Variants in SLC37A3 observed in about 807,000 individuals in gnomAD.
SLC37A3 encodes sugar phosphate exchanger 3.
A neutral mutation model predicts 67.1 loss-of-function variants in SLC37A3; 51 were observed. That is an observed-to-expected ratio of 0.76 (90% CI 0.61 to 0.96). The LOEUF (loss-of-function observed/expected upper bound fraction) is 0.96, where lower values mean the gene tolerates loss of function less well. SLC37A3 is among the 40% of genes least tolerant of loss of function. SLC37A3 has a pLI of 0.00. For missense variants in SLC37A3, 508 were observed against 603.0 expected (o/e 0.84, Z 1.65); for synonymous variants, 214 against 231.4 (o/e 0.92, Z 0.68).
At chr7:140,370,492 A>G (rs555592814) in intron 3 of SLC37A3, 2 of 152,320 alleles carry the variant, frequency 1.3e-5, no homozygotes, top group South Asian at 4.1e-4. Context: ...TGGAAAGTTA[A>G]GTGGGGTCAG....
rs369231255 is a variant in SLC37A3 at position 140,358,033 on chromosome 7, C to A, written c.521+607G>T. Among the ~76,000 whole-genome samples the A allele has an allele frequency of 2.6e-3, 395 of 151,980 alleles. 14 individuals carry two copies. The South Asian group carries it at 0.049, about 19-fold the overall frequency. On this transcript the variant is annotated intron_variant, in intron 6 of 14. Coordinates refer to ENST00000326232, the MANE Select transcript of SLC37A3 (RefSeq NM_207113.3). ...GAAGGTTGCAGTGAGCCGAGATCAC[C>A]CCACTGCACTCCAGCCTGGTGACAG...
At chr7:140,341,595 A>T (rs1323438550) in intron 13 of SLC37A3, among the ~76,000 whole-genome samples, 1 of 152,172 alleles carries the variant, frequency 6.6e-6, no homozygotes, top group Non-Finnish European at 1.5e-5. Context: ...GGCAATGGGA[A>T]ATCATTCAAA....
At chr7:140,367,833 T>C (rs1797663412) in intron 4 of SLC37A3, among the ~76,000 whole-genome samples, 2 of 151,522 alleles carry the variant, frequency 1.3e-5, no homozygotes, top group Non-Finnish European at 2.9e-5. Context: ...TTTTTTTTTT[T>C]TTTTGAGATG....
intron 3 of SLC37A3, among the ~76,000 whole-genome samples, chr7:140,375,757 G>T (rs772631583): frequency 1.3e-4 from 20 of 152,184 alleles, no homozygotes; most frequent in Non-Finnish European, 2.8e-4. Context: ...TAATTTCTAA[G>T]TGGCCTCTGG....
At chr7:140,373,637 G>T (rs1011012316) in intron 3 of SLC37A3, among the ~76,000 whole-genome samples, 1 of 151,606 alleles carries the variant, frequency 6.6e-6, no homozygotes, top group East Asian at 1.9e-4. Flanking sequence ...ACCTGTGAAA[G>T]GCCAAATTTT....
At chr7:140,388,199 G>A (rs894071668) in intron 1 of SLC37A3, among the ~76,000 whole-genome samples, 1 of 151,700 alleles carries the variant, frequency 6.6e-6, no homozygotes, top group African/African-American at 2.4e-5. Flanking sequence ...TTGGGAGGTC[G>A]AGGTGGGAGG....
rs1418152018 is a variant in SLC37A3, at chr7:140,352,136, A to C, written c.629T>G (p.Leu210Arg). Reference sequence around the variant, plus strand: ...AGCAAACTGCACAGACGCCGTCACCAGAAAGGCATACTGGAGGAGAGGGGT... The same window carrying C: ...AGCAAACTGCACAGACGCCGTCACCCGAAAGGCATACTGGAGGAGAGGGGT... ...VLQYGYEYAF[L>R]VTASVQFAGG... is the part of the protein sequence containing the mutation. Residue 210 changes from leucine to arginine, a missense_variant, in exon 8 of 15, where the codon CTG becomes CGG. Leu to Arg is a moderately radical substitution (Grantham distance 102). Coordinates refer to ENST00000326232, the MANE Select transcript of SLC37A3 (RefSeq NM_207113.3). The C allele has an allele frequency of 6.2e-7, 1 of 1,604,434 alleles. No homozygotes were observed. Among genetic ancestry groups the C allele is most frequent in the African/African-American group, 1.3e-5 (1 of 74,572 alleles).
At chr7:140,362,418 TGG>T (rs200795551) in intron 5 of SLC37A3, among the ~76,000 whole-genome samples, 45,749 of 102,014 alleles carry the variant, frequency 0.45, 9,828 homozygotes, top group South Asian at 0.48. Context: ...GGGAGGGAGG[TGG>T]GGGGGGGGGT....
chr7:140,358,831 A>G (rs780008187), intron 5 of SLC37A3, 46 bp from the exon 6 acceptor site: 1 of 1,610,706 alleles, frequency 6.2e-7, no homozygotes, highest in Non-Finnish European at 8.5e-7. Flanking sequence ...CCACACTGAC[A>G]CTTTCAGTGG....
intron 11 of SLC37A3, 118 bp downstream of exon 11, chr7:140,345,751 C>G (rs1174476593): frequency 2.6e-6 from 2 of 760,788 alleles, no homozygotes; most frequent in Non-Finnish European, 4.8e-6. Context: ...GGTGGCATAT[C>G]GGGCCTTGAA....
intron 5 of SLC37A3, among the ~76,000 whole-genome samples, chr7:140,362,511 C>T (rs533706795): frequency 6.9e-6 from 1 of 144,244 alleles, no homozygotes; most frequent in African/African-American, 2.6e-5. Context: ...AAGTGAGGAC[C>T]CCTCTGCCCG....
At chr7:140,345,056 A>AG (rs1444848057) in intron 12 of SLC37A3, among the ~76,000 whole-genome samples, 160 bp downstream of exon 12, 1 of 152,246 alleles carries the variant, frequency 6.6e-6, no homozygotes, top group Admixed American at 6.5e-5. Context: ...GAAACAGCAG[A>AG]GAAAAAGAAT....
At chr7:140,356,724 A>G (rs553162372) in intron 6 of SLC37A3, among the ~76,000 whole-genome samples, 2 of 152,320 alleles carry the variant, frequency 1.3e-5, no homozygotes, top group East Asian at 1.9e-4. Context: ...AAGATGCTCA[A>G]CGTCATTAGA....
intron 5 of SLC37A3, among the ~76,000 whole-genome samples, chr7:140,362,417 G>A (rs1338370780): frequency 6.0e-5 from 4 of 66,142 alleles, no homozygotes; most frequent in Non-Finnish European, 1.0e-4. Flanking sequence ...CGGGAGGGAG[G>A]TGGGGGGGGG....
chr7:140,361,536 T>C (rs1487952716), intron 5 of SLC37A3, among the ~76,000 whole-genome samples: 44,297 of 65,250 alleles, frequency 0.68, 14,308 homozygotes, highest in Middle Eastern at 0.76. Flanking sequence ...TCCCCCTCCC[T>C]CTCTCCCTCT....
rs552295961 is a variant in SLC37A3 at position 140,359,119 on chromosome 7, A to G, written c.376-334T>C. ...AGCACTTTGGGAGGCCGAGGAGGGC[A>G]GATCACAAGGTCAGGAAATCGAGAC... On this transcript the variant is annotated intron_variant, in intron 5 of 14. Transcript: ENST00000326232. Among the ~76,000 whole-genome samples, 380 of 151,678 alleles carry G rather than the reference A, an allele frequency of 2.5e-3. 4 individuals carry two copies. The highest frequency in any genetic ancestry group is 8.5e-3 in the African/African-American group (347 of 40,992).
At chr7:140,365,681 A>C (rs1797568900) in intron 4 of SLC37A3, among the ~76,000 whole-genome samples, 1 of 152,262 alleles carries the variant, frequency 6.6e-6, no homozygotes, top group East Asian at 1.9e-4. Flanking sequence ...AGATGGCACC[A>C]CTGCACTCCA....
At chr7:140,382,102 A>C (rs1474802214) in intron 2 of SLC37A3, among the ~76,000 whole-genome samples, 1 of 151,340 alleles carries the variant, frequency 6.6e-6, no homozygotes, top group Non-Finnish European at 1.5e-5. Flanking sequence ...CTCCGCCTCC[A>C]CACTGTTGAC....
intron 4 of SLC37A3, among the ~76,000 whole-genome samples, chr7:140,365,979 CCAGGCTGGAATGCAATGATGTGATCTTG>C (rs1740309014): frequency 9.1e-6 from 1 of 110,186 alleles, no homozygotes; most frequent in East Asian, 3.1e-4. Context: ...ACTCTGTCAT[CCAGGCTGGAATGCAATGATGTGATCTTG>C]GCTCACTGCA....
Sources: gnomAD v4.1 joint callset for allele counts (sites outside exome capture counted in the v4.1 genomes callset) on GRCh38, gnomAD v4.1.1 for gene constraint, MANE v1.5 for transcripts, NCBI Gene and HGNC (gene_info 2026-07-23, HGNC 2026-07-21) for gene names.